Variants in THSD4 observed in about 807,000 individuals in gnomAD.
THSD4 encodes thrombospondin type 1 domain containing 4.
Under a neutral mutation model 119.0 loss-of-function variants are expected in THSD4, and 69 were observed. The ratio of observed to expected loss-of-function variants is 0.58; its 90% CI spans 0.48 to 0.71. The LOEUF is 0.71. Ranked by LOEUF, THSD4 falls within the 30% of genes least tolerant of loss-of-function variation. The pLI is 0.00. For synonymous variants in THSD4, 524 were observed against 540.4 expected (o/e 0.97, Z 0.42); for missense variants, 1,393 against 1,391.1 (o/e 1.00, Z -0.02).
intron 1 of THSD4, among the ~76,000 whole-genome samples, chr15:71,099,952 CTTTG>C (rs749234552): frequency 6.6e-6 from 1 of 152,086 alleles, no homozygotes; most frequent in African/African-American, 2.4e-5. Flanking sequence ...TGACAGTTTT[CTTTG>C]TTTGTTTGTT....
intron 8 of THSD4, among the ~76,000 whole-genome samples, chr15:71,727,374 A>G (rs1298441490): frequency 6.6e-6 from 1 of 151,634 alleles, no homozygotes; most frequent in Non-Finnish European, 1.5e-5. Context: ...TGCCACTTGT[A>G]GTAGACATGT....
In THSD4 at chr15:71,593,261, A is replaced by G. The variant is rs1408820578; in HGVS notation, c.1153-67269A>G. On this transcript the variant is annotated intron_variant, in intron 7 of 17. Transcript: ENST00000261862. Reference sequence around the variant, plus strand: ...AAAACGGTGAAACCCCGTCTCTACTAAAAATACAAAAAATTAGCCGGGCGT... The same window carrying G: ...AAAACGGTGAAACCCCGTCTCTACTGAAAATACAAAAAATTAGCCGGGCGT... Among the ~76,000 whole-genome samples the G allele has an allele frequency of 9.3e-5, 3 of 32,408 alleles. 1 individual carries two copies. Among genetic ancestry groups the G allele is most frequent in the African/African-American group, 1.8e-4 (3 of 17,046 alleles). The allele number at this position is 32,408 out of a possible 152,430, so 21.3% of individuals were successfully genotyped here. A position where few individuals can be genotyped will look rare whatever the true frequency, so the allele number is the denominator to read the frequency against.
chr15:71,596,740 A>C (rs1336274220), intron 7 of THSD4, among the ~76,000 whole-genome samples: 1 of 152,228 alleles, frequency 6.6e-6, no homozygotes, highest in African/African-American at 2.4e-5. Context: ...TCTACATGGT[A>C]GGGTTAGAAT....
Position 71,395,549 on chromosome 15 carries a change from C to A in THSD4, c.1016-16138C>A, listed in dbSNP as rs567681463. 9.2e-4 allele frequency among the ~76,000 whole-genome samples: 140 copies of A among 152,292 alleles called. 4 individuals carry two copies. In the South Asian group the frequency reaches 0.027, roughly 30 times the overall value. The stretch of plus-strand genomic sequence containing the variant: ...TTGAACTCAGGAGTTCGAGACCAGC[C>A]TGGGCAACATAGTGATACCCCACCT... On this transcript the variant is annotated intron_variant, in intron 6 of 17. Transcript: ENST00000261862.
chr15:71,444,223 G>GA (rs2047149291), intron 7 of THSD4, among the ~76,000 whole-genome samples: 2 of 152,164 alleles, frequency 1.3e-5, no homozygotes, highest in African/African-American at 4.8e-5. Context: ...GTAAGCTGGA[G>GA]AAACTGGTGC....
At chr15:71,193,876 AATTTTTTTGT>A (rs2043696857) in intron 3 of THSD4, among the ~76,000 whole-genome samples, 1 of 151,892 alleles carries the variant, frequency 6.6e-6, no homozygotes, top group South Asian at 2.1e-4. Flanking sequence ...ACGCCCAGCT[AATTTTTTTGT>A]ATTTTTAGTA....
At chr15:71,132,873 G>T (rs2040516462) in intron 1 of THSD4, among the ~76,000 whole-genome samples, 1 of 152,252 alleles carries the variant, frequency 6.6e-6, no homozygotes, top group African/African-American at 2.4e-5. Context: ...CCATTTGTAG[G>T]CAGCAGAACT....
chr15:71,208,713 T>A (rs1210327860), intron 3 of THSD4, among the ~76,000 whole-genome samples: 2 of 152,010 alleles, frequency 1.3e-5, no homozygotes, highest in African/African-American at 4.8e-5. Flanking sequence ...GGTTTCACCA[T>A]GTTGGCCAGG....
intron 6 of THSD4, among the ~76,000 whole-genome samples, chr15:71,404,125 A>C (rs1329943584): frequency 6.6e-6 from 1 of 152,170 alleles, no homozygotes; most frequent in Non-Finnish European, 1.5e-5. Flanking sequence ...ATATATGATA[A>C]AAGTCACCAA....
At chr15:71,765,801 T>C (rs1394764898) in intron 16 of THSD4, among the ~76,000 whole-genome samples, 7 of 151,812 alleles carry the variant, frequency 4.6e-5, no homozygotes, top group African/African-American at 1.2e-4. Flanking sequence ...TGTGTGTGTG[T>C]GTGTGTGTGT....
chr15:71,406,382 G>A (rs1566971717), intron 6 of THSD4, among the ~76,000 whole-genome samples: 1 of 152,102 alleles, frequency 6.6e-6, no homozygotes, highest in Non-Finnish European at 1.5e-5. Context: ...TTGCCTTATA[G>A]TATTGTTCAA....
intron 7 of THSD4, among the ~76,000 whole-genome samples, chr15:71,605,427 T>C (rs1200855237): frequency 6.6e-6 from 1 of 152,162 alleles, no homozygotes; most frequent in Non-Finnish European, 1.5e-5. Flanking sequence ...CTGGCTCTAA[T>C]ATGATCATTC....
intron 2 of THSD4, among the ~76,000 whole-genome samples, chr15:71,149,056 T>G (rs985691323): frequency 6.6e-6 from 1 of 151,296 alleles, no homozygotes; most frequent in African/African-American, 2.4e-5. Flanking sequence ...TTTTTTTTTT[T>G]GAGACGGAGT....
chr15:71,237,087 G>A (rs1457329056), intron 4 of THSD4, among the ~76,000 whole-genome samples: 1 of 152,136 alleles, frequency 6.6e-6, no homozygotes, highest in Non-Finnish European at 1.5e-5. Context: ...GCAGGGCCAG[G>A]GCTGACAAGA....
chr15:71,320,998 G>A (rs1299405372), intron 6 of THSD4, among the ~76,000 whole-genome samples: 2 of 152,080 alleles, frequency 1.3e-5, no homozygotes, highest in South Asian at 2.1e-4. Flanking sequence ...GATAAGATTC[G>A]TTTTGAAAAT....
chr15:71,250,524 G>T (rs2044248771), intron 5 of THSD4, among the ~76,000 whole-genome samples: 1 of 152,054 alleles, frequency 6.6e-6, no homozygotes, highest in Admixed American at 6.6e-5. Flanking sequence ...TTGCTATGTT[G>T]CCCACGGTGG....
chr15:71,741,213 G>A (rs758795150), intron 11 of THSD4, among the ~76,000 whole-genome samples: 9 of 152,120 alleles, frequency 5.9e-5, no homozygotes, highest in Non-Finnish European at 1.3e-4. Flanking sequence ...ATAAGCGGCC[G>A]GGCATGGTGG....
At chr15:71,528,435 G>A (rs908169144) in intron 7 of THSD4, among the ~76,000 whole-genome samples, 4 of 152,150 alleles carry the variant, frequency 2.6e-5, no homozygotes, top group Admixed American at 6.5e-5. Flanking sequence ...GGGGAAGTAC[G>A]TGGACTTGGA....
intron 7 of THSD4, among the ~76,000 whole-genome samples, chr15:71,572,297 G>A (rs979388707): frequency 6.6e-6 from 1 of 152,180 alleles, no homozygotes; most frequent in Non-Finnish European, 1.5e-5. Flanking sequence ...AACCTTGATT[G>A]TTCATAGCTG....
Sources: gnomAD v4.1 joint callset for allele counts (sites outside exome capture counted in the v4.1 genomes callset) on GRCh38, gnomAD v4.1.1 for gene constraint, MANE v1.5 for transcripts, NCBI Gene and HGNC (gene_info 2026-07-23, HGNC 2026-07-21) for gene names.